CCDC73: variants seen among roughly 807,000 people sequenced by gnomAD.
The protein encoded by CCDC73 is coiled-coil domain-containing protein 73.
A neutral mutation model predicts 116.5 loss-of-function variants in CCDC73; 95 were observed. That is an observed-to-expected ratio of 0.82 (90% CI 0.69 to 0.97). The LOEUF is 0.97. CCDC73 is among the 50% of genes least tolerant of loss of function. The pLI, the probability that CCDC73 is intolerant of heterozygous loss-of-function variation, is 0.00. For missense variants in CCDC73, 1,066 were observed against 1,206.8 expected (o/e 0.88, Z 1.73); for synonymous variants, 398 against 401.3 (o/e 0.99, Z 0.10).
Position 32,621,392 on chromosome 11 carries a change from C to T in CCDC73, c.1186-5263G>A, listed in dbSNP as rs192958561. Among the ~76,000 whole-genome samples, 105 of 152,118 alleles carry T rather than the reference C, an allele frequency of 6.9e-4. 1 individual carries two copies. The highest frequency in any genetic ancestry group is 7.5e-4 in the Non-Finnish European group (51 of 67,972). ...CACACGTCTACAACCACCTGATCTT[C>T]GACAAACCTGACAAAAACAAGCAAT... On this transcript the variant is annotated intron_variant, in intron 14 of 17. Coordinates refer to ENST00000335185, the MANE Select transcript of CCDC73 (RefSeq NM_001008391.4).
At chr11:32,802,437 T>C in the CCDC73 span, among the ~76,000 whole-genome samples, 1 of 152,226 alleles carries the variant, frequency 6.6e-6, no homozygotes, top group Non-Finnish European at 1.5e-5. Flanking sequence ...GTGAGAATAT[T>C]GGTTAATATG....
chr11:32,649,838 T>C (rs1855810892), intron 12 of CCDC73, among the ~76,000 whole-genome samples: 1 of 152,226 alleles, frequency 6.6e-6, no homozygotes. Context: ...TAATGATAGA[T>C]TGTATTGTTT....
upstream of CCDC73, among the ~76,000 whole-genome samples, chr11:32,796,745 C>T (rs552986875): frequency 1.3e-5 from 2 of 152,232 alleles, no homozygotes; most frequent in East Asian, 3.9e-4. Context: ...TGTGGTGGCT[C>T]ATGCCTGTAA....
intron 1 of CCDC73, among the ~76,000 whole-genome samples, chr11:32,776,936 A>AAAATAT (rs1341535562): frequency 1.2e-3 from 44 of 36,468 alleles, no homozygotes; most frequent in African/African-American, 3.6e-3. Flanking sequence ...AAAAAAAAAA[A>AAAATAT]ATATATATAT....
chr11:32,719,667 A>G (rs1366507841), intron 2 of CCDC73, among the ~76,000 whole-genome samples: 1 of 152,224 alleles, frequency 6.6e-6, no homozygotes, highest in Non-Finnish European at 1.5e-5. Flanking sequence ...AATTAGATGT[A>G]CTACATAAAA....
At chr11:32,603,289 C>A (rs1473913811) in intron 17 of CCDC73, 2 of 310,882 alleles carry the variant, frequency 6.4e-6, no homozygotes, top group African/African-American at 4.3e-5. Context: ...TTCAGAACAC[C>A]ATTGTTGAAG....
chr11:32,667,075 T>G (rs1855991064), intron 9 of CCDC73, among the ~76,000 whole-genome samples: 1 of 152,212 alleles, frequency 6.6e-6, no homozygotes, highest in African/African-American at 2.4e-5. Flanking sequence ...CTGCCCCTAC[T>G]GGGGTGTGCC....
At chr11:32,618,364 G>A (rs138102795) in intron 14 of CCDC73, among the ~76,000 whole-genome samples, 1 of 152,108 alleles carries the variant, frequency 6.6e-6, no homozygotes, top group Non-Finnish European at 1.5e-5. Context: ...CTTTTTGGTA[G>A]AGCGATTTAT....
intron 9 of CCDC73, among the ~76,000 whole-genome samples, chr11:32,661,249 A>G (rs1442607361): frequency 6.6e-6 from 1 of 152,090 alleles, no homozygotes; most frequent in African/African-American, 2.4e-5. Context: ...GTCCCCTTTT[A>G]TTTTTTTAAG....
chr11:32,729,816 A>G (rs1277709352), intron 2 of CCDC73, among the ~76,000 whole-genome samples: 3 of 152,136 alleles, frequency 2.0e-5, no homozygotes, highest in Non-Finnish European at 4.4e-5. Flanking sequence ...ACAGTGAAAA[A>G]ATCTACCTAC....
rs148172242 is a variant in CCDC73 at position 32,747,475 on chromosome 11, G to A, written c.135+12634C>T. 8.0e-3 allele frequency among the ~76,000 whole-genome samples: 1,218 copies of A among 152,294 alleles called. 13 individuals are homozygous for A. The highest frequency in any genetic ancestry group is 0.012 in the Non-Finnish European group (792 of 68,024). On this transcript the variant is annotated intron_variant, in intron 2 of 17. Coordinates refer to ENST00000335185, the MANE Select transcript of CCDC73 (RefSeq NM_001008391.4). ...TGATGTCTTCAGAGCTGTCAGGCAG[G>A]GATGTTTAAGTCTGGAGAAGCTATC...
chr11:32,671,316 G>T (rs931057330), intron 9 of CCDC73, among the ~76,000 whole-genome samples: 11 of 150,578 alleles, frequency 7.3e-5, no homozygotes, highest in Admixed American at 2.7e-4. Context: ...CTTCATGATT[G>T]CCATAATGGT....
chr11:32,736,345 G>A (rs1429148759), intron 2 of CCDC73, among the ~76,000 whole-genome samples: 1 of 152,102 alleles, frequency 6.6e-6, no homozygotes, highest in Admixed American at 6.5e-5. Flanking sequence ...CAAAAAGTGG[G>A]CAAAGGATAT....
chr11:32,748,430 AT>A (rs780448677), intron 2 of CCDC73, among the ~76,000 whole-genome samples: 1 of 152,238 alleles, frequency 6.6e-6, no homozygotes, highest in African/African-American at 2.4e-5. Flanking sequence ...AAGAAAACTT[AT>A]AAAAACTCAA....
chr11:32,794,034 T>G (rs960389), intron 1 of CCDC73, among the ~76,000 whole-genome samples: 3 of 151,824 alleles, frequency 2.0e-5, no homozygotes, highest in African/African-American at 7.3e-5. Flanking sequence ...ACCAGCAGAA[T>G]GAAGAAAAAA....
At chr11:32,728,095 T>C (rs1324337144) in intron 2 of CCDC73, among the ~76,000 whole-genome samples, 2 of 151,838 alleles carry the variant, frequency 1.3e-5, no homozygotes, top group Admixed American at 6.6e-5. Context: ...ATACATAAAA[T>C]TTAAAATTTA....
chr11:32,787,578 T>C (rs1237117790), intron 1 of CCDC73, among the ~76,000 whole-genome samples: 1 of 152,234 alleles, frequency 6.6e-6, no homozygotes, highest in African/African-American at 2.4e-5. Flanking sequence ...GGTTTCATCA[T>C]ATTGTCTTTT....
At chr11:32,709,439 G>A (rs1048401896) in intron 3 of CCDC73, among the ~76,000 whole-genome samples, 15 of 152,160 alleles carry the variant, frequency 9.9e-5, no homozygotes, top group Non-Finnish European at 1.9e-4. Flanking sequence ...TGGGGCTGCA[G>A]GCGCCTGCCA....
At chr11:32,686,544 A>G (rs1208679310) in intron 6 of CCDC73, among the ~76,000 whole-genome samples, 1 of 152,124 alleles carries the variant, frequency 6.6e-6, no homozygotes, top group Non-Finnish European at 1.5e-5. Context: ...ATAAGAGGAA[A>G]AAAATGAAAA....
Sources: gnomAD v4.1 joint callset for allele counts (sites outside exome capture counted in the v4.1 genomes callset) on GRCh38, gnomAD v4.1.1 for gene constraint, MANE v1.5 for transcripts, NCBI Gene and HGNC (gene_info 2026-07-23, HGNC 2026-07-21) for gene names.